Variants in NID1 observed in about 807,000 individuals in gnomAD.
NID1 encodes nidogen 1, also known as nidogen-1.
In NID1, 76 loss-of-function variants were observed where a neutral mutation model predicts 130.6. The ratio of observed to expected loss-of-function variants is 0.58; its 90% confidence interval spans 0.48 to 0.70. The LOEUF is 0.70. Ranked by LOEUF, NID1 falls within the 30% of genes least tolerant of loss-of-function variation. NID1 has a pLI of 0.00. For missense variants in NID1, 1,517 were observed against 1,664.8 expected (o/e 0.91, Z 1.54); for synonymous variants, 665 against 675.1 (o/e 0.98, Z 0.23).
intron 6 of NID1, among the ~76,000 whole-genome samples, chr1:236,030,460 A>T (rs1659065138): frequency 6.6e-6 from 1 of 151,998 alleles, no homozygotes; most frequent in Non-Finnish European, 1.5e-5. Context: ...TACATTTTTT[A>T]ATGGTTAAAA....
chr1:235,988,240 A>C (rs1401623848), intron 14 of NID1, among the ~76,000 whole-genome samples: 1 of 152,248 alleles, frequency 6.6e-6, no homozygotes, highest in African/African-American at 2.4e-5. Flanking sequence ...ATTTAAGTAG[A>C]CATTTCTCCA....
Sources: allele counts gnomAD v4.1 joint callset (sites outside exome capture counted in the v4.1 genomes callset), GRCh38; gene constraint gnomAD v4.1.1; transcripts MANE v1.5; gene names NCBI Gene and HGNC (gene_info 2026-07-23, HGNC 2026-07-21).